MYOT: variants seen among roughly 807,000 people sequenced by gnomAD.
The protein encoded by MYOT is 57 kDa cytoskeletal protein.
Under a neutral mutation model 58.0 loss-of-function variants are expected in MYOT, and 36 were observed. That is an observed-to-expected ratio of 0.62 (90% CI 0.48 to 0.82). MYOT has a LOEUF of 0.82. Among genes scored for constraint, MYOT ranks in the 40% least tolerant of loss-of-function variants. The pLI, the probability that MYOT is intolerant of heterozygous loss-of-function variation, is 0.00. For missense variants in MYOT, 505 were observed against 592.1 expected (o/e 0.85, Z 1.53); for synonymous variants, 218 against 204.6 (o/e 1.07, Z -0.56).
rs750433300 is a variant in MYOT at position 137,882,110 on chromosome 5, G to A, written c.816+5G>A. Reference sequence around the variant, plus strand: ...TTCTGCAGAATGGACTTCAAAGTAAGAGAAGGGTTCAAAAGTACTGGGGGA... The same window carrying A: ...TTCTGCAGAATGGACTTCAAAGTAAAAGAAGGGTTCAAAAGTACTGGGGGA... On this transcript the variant is annotated splice_donor_5th_base_variant and intron_variant, in intron 6 of 9. Transcript: ENST00000239926. The A allele has an allele frequency of 6.2e-7, 1 of 1,614,032 alleles. No individual in the cohort carries two copies. The highest frequency in any genetic ancestry group is 1.3e-5 in the African/African-American group (1 of 74,940).
chr5:137,887,503 G>C lies in MYOT; in HGVS notation c.*118G>C, dbSNP rs1755644475. 4.0e-6 allele frequency: 3 copies of C among 751,540 alleles called. No individual in the cohort carries two copies. The South Asian group carries it at 6.2e-5, about 16-fold the overall frequency. The allele number at this position is 751,540 out of a possible 1,614,324, so 46.6% of individuals were successfully genotyped here. On this transcript the variant is annotated 3_prime_UTR_variant, in exon 10 of 10. Transcript: ENST00000239926. ...ATTATGGTTTTAATTAGGTAATATAGTTAATATATATTTATAATATTATTT... is the reference window on the plus strand; with the variant it reads ...ATTATGGTTTTAATTAGGTAATATACTTAATATATATTTATAATATTATTT...
At chr5:137,882,365 G>A (rs1157915917) in intron 6 of MYOT, among the ~76,000 whole-genome samples, 1 of 152,066 alleles carries the variant, frequency 6.6e-6, no homozygotes, top group Non-Finnish European at 1.5e-5. Context: ...AAAAAATTAT[G>A]AGGATTAATT....
In MYOT at chr5:137,875,996, G is replaced by T. The variant is rs1304612966; in HGVS notation, c.524G>T (p.Gly175Val). Residue 175 changes from glycine (G) to valine (V), a missense_variant, in exon 3 of 10, where the codon GGA (glycine) becomes GTA (valine). Coordinates refer to ENST00000239926, the MANE Select transcript of MYOT (RefSeq NM_006790.3). ...LKCKDTLLHN[G>V]NQRLTYEEKM... ...TGCAAGGACACCCTTCTTCATAATG[G>T]AAATCAAGTGGGCAAGATGTCTATT... 2 of 1,613,834 alleles carry T rather than the reference G, an allele frequency of 1.2e-6. No individual in the cohort carries two copies. The highest frequency in any genetic ancestry group is 1.7e-6 in the Non-Finnish European group (2 of 1,179,952).
chr5:137,871,644 A>C (rs1755056073), intron 2 of MYOT, among the ~76,000 whole-genome samples: 1 of 152,272 alleles, frequency 6.6e-6, no homozygotes, highest in African/African-American at 2.4e-5. Flanking sequence ...TTTGGTAATT[A>C]AAACCACACC....
intron 4 of MYOT, among the ~76,000 whole-genome samples, chr5:137,878,553 A>G (rs1755308216): frequency 6.6e-6 from 1 of 152,000 alleles, no homozygotes; most frequent in African/African-American, 2.4e-5. Flanking sequence ...GGCTGGGCAC[A>G]GTGGCTCACG....
chr5:137,870,993 C>A lies in MYOT; in HGVS notation c.342C>A (p.Ser114=), dbSNP rs34593399. 1.2e-6 allele frequency: 2 copies of A among 1,613,150 alleles called. No individual in the cohort carries two copies. The highest frequency in any genetic ancestry group is 2.2e-5 in the East Asian group (1 of 44,882). ...ATTACAATAGCAGTAAAATCCCTTC[C>A]GCTATGGATTCCAAGTAAGTGAATT... ...QPDYNSSKIP[S]AMDSNYQQSS... Residue 114 remains serine, a synonymous_variant, in exon 2 of 10, where the codon TCC becomes TCA. Coordinates refer to ENST00000239926, the MANE Select transcript of MYOT (RefSeq NM_006790.3).
chr5:137,887,527 T>G lies in MYOT; in HGVS notation c.*142T>G. The G allele has an allele frequency of 3.5e-6, 2 of 575,132 alleles. 1 individual carries two copies. The highest frequency in any genetic ancestry group is 7.7e-5 in the South Asian group (2 of 25,972). 35.6% of individuals were successfully genotyped at this position (575,132 alleles called of 1,614,324 possible). On this transcript the variant is annotated 3_prime_UTR_variant, in exon 10 of 10. Coordinates refer to ENST00000239926, the MANE Select transcript of MYOT (RefSeq NM_006790.3). Reference sequence around the variant, plus strand: ...AGTTAATATATATTTATAATATTATTTATCCTTTGACTCTTGCACATTCTA... The same window carrying G: ...AGTTAATATATATTTATAATATTATGTATCCTTTGACTCTTGCACATTCTA...
chr5:137,873,583 T>C (rs998570183), intron 2 of MYOT, among the ~76,000 whole-genome samples: 4 of 151,902 alleles, frequency 2.6e-5, no homozygotes, highest in Non-Finnish European at 4.4e-5. Flanking sequence ...TTCTATACGA[T>C]TGAAAAAATA....
intron 4 of MYOT, 97 bp downstream of exon 4, chr5:137,877,718 C>A: frequency 2.3e-6 from 2 of 882,234 alleles, no homozygotes; most frequent in South Asian, 1.4e-5. Flanking sequence ...AAATAAAAGT[C>A]GGTCAGTTCC....
chr5:137,883,761 T>TAC, intron 7 of MYOT, 170 bp downstream of exon 7: 1 of 609,200 alleles, frequency 1.6e-6, no homozygotes, highest in Non-Finnish European at 2.9e-6. Flanking sequence ...TATATATATA[T>TAC]ACACACACAT....
chr5:137,874,705 T>C (rs1755156146), intron 2 of MYOT, among the ~76,000 whole-genome samples: 1 of 152,190 alleles, frequency 6.6e-6, no homozygotes, highest in African/African-American at 2.4e-5. Flanking sequence ...CTTTATTTGC[T>C]TTTTTCCAGT....
rs539968768 is a variant in MYOT at position 137,880,297 on chromosome 5, C to T, written c.634-519C>T. Reference sequence around the variant, plus strand: ...CTATTTTACAAAGCTTTTTCAAAGCCTTACACATACCTTTCGTGGAGTCCA... The same window carrying T: ...CTATTTTACAAAGCTTTTTCAAAGCTTTACACATACCTTTCGTGGAGTCCA... On this transcript the variant is annotated intron_variant, in intron 4 of 9. Coordinates refer to ENST00000239926, the MANE Select transcript of MYOT (RefSeq NM_006790.3). Among the ~76,000 whole-genome samples, 14 of 152,302 alleles carry T rather than the reference C, an allele frequency of 9.2e-5. No individual in the cohort carries two copies. In the South Asian group the frequency reaches 2.5e-3, roughly 27 times the overall value.
chr5:137,883,741 C>A, intron 7 of MYOT, 150 bp downstream of exon 7: 1 of 684,774 alleles, frequency 1.5e-6, no homozygotes, highest in Non-Finnish European at 2.5e-6. Context: ...CTACAAACCA[C>A]AGGAAAAAAT....
intron 1 of MYOT, among the ~76,000 whole-genome samples, chr5:137,869,360 C>G (rs1754968034): frequency 6.6e-6 from 1 of 152,104 alleles, no homozygotes; most frequent in Non-Finnish European, 1.5e-5. Context: ...TGTGTAATGT[C>G]TATATATAGT....
At chr5:137,884,715 TA>T (rs1001848764) in intron 7 of MYOT, among the ~76,000 whole-genome samples, 7 of 149,128 alleles carry the variant, frequency 4.7e-5, no homozygotes, top group African/African-American at 4.9e-5. Context: ...TATTCTAAAA[TA>T]AAAAAAAAAT....
At chr5:137,883,296 G>T (rs1461450122) in intron 6 of MYOT, 88 bp from the exon 7 acceptor site, 1 of 1,116,056 alleles carries the variant, frequency 9.0e-7, no homozygotes. Flanking sequence ...CTCAGATACG[G>T]GAACTGTTTA....
At chr5:137,880,122 C>T (rs1561662176) in intron 4 of MYOT, among the ~76,000 whole-genome samples, 2 of 152,126 alleles carry the variant, frequency 1.3e-5, no homozygotes, top group East Asian at 1.9e-4. Flanking sequence ...CACAGTGAAA[C>T]GCAAAATACA....
intron 7 of MYOT, 23 bp from the exon 8 acceptor site, chr5:137,886,025 T>A: frequency 6.9e-7 from 1 of 1,456,206 alleles, no homozygotes; most frequent in Non-Finnish European, 9.5e-7. Flanking sequence ...TTCAAATACT[T>A]GAATTTTTGT....
chr5:137,874,533 A>G (rs1431607579), intron 2 of MYOT, among the ~76,000 whole-genome samples: 1 of 152,186 alleles, frequency 6.6e-6, no homozygotes, highest in Non-Finnish European at 1.5e-5. Flanking sequence ...TAAACTAGGT[A>G]AAAACTGAAT....
Sources: gnomAD v4.1 joint callset for allele counts (sites outside exome capture counted in the v4.1 genomes callset) on GRCh38, gnomAD v4.1.1 for gene constraint, MANE v1.5 for transcripts, NCBI Gene and HGNC (gene_info 2026-07-23, HGNC 2026-07-21) for gene names.